The following RRP12 variants were observed in gnomAD, a reference collection of about 807,000 sequenced individuals.
The protein encoded by RRP12 is RRP12-like protein.
In RRP12, 78 loss-of-function variants were observed where a neutral mutation model predicts 157.3. The observed-to-expected ratio is 0.50, with a 90% CI of 0.41 to 0.60. RRP12 has a LOEUF of 0.60. Ranked by LOEUF, RRP12 falls within the 20% of genes least tolerant of loss-of-function variation. The probability of loss-of-function intolerance (pLI) is 0.00; values close to 1 mark genes in which losing one functional copy is unlikely to be tolerated. For missense variants in RRP12, 1,521 were observed against 1,679.9 expected (o/e 0.91, Z 1.65); for synonymous variants, 726 against 670.9 (o/e 1.08, Z -1.27).
chr10:97,380,921 G>C lies in RRP12; in HGVS notation c.1419-8C>G. 6.2e-7 allele frequency: 1 copy of C among 1,610,638 alleles called. No individual in the cohort carries two copies. Among genetic ancestry groups the C allele is most frequent in the South Asian group, 1.1e-5 (1 of 91,018 alleles). On this transcript the variant is annotated splice_region_variant and splice_polypyrimidine_tract_variant and intron_variant, in intron 12 of 33. Transcript: ENST00000370992. The stretch of plus-strand genomic sequence containing the variant: ...AGGCCCTCCTCCACTGCCCTGCCAA[G>C]GGGGCGGCACAGTCAGGGCCACGGT...
chr10:97,400,999 T>C, intron 1 of RRP12, 94 bp downstream of exon 1: 34 of 1,452,830 alleles, frequency 2.3e-5, no homozygotes, highest in East Asian at 7.3e-5. Context: ...GTCCAATGCC[T>C]GGCCCCGCAC....
intron 2 of RRP12, among the ~76,000 whole-genome samples, chr10:97,399,828 G>C (rs1773407136): frequency 6.6e-6 from 1 of 152,106 alleles, no homozygotes; most frequent in Admixed American, 6.6e-5. Flanking sequence ...TGAGGCAGGA[G>C]GATTGCTTGG....
At chr10:97,367,947 G>A (rs1844036283) in intron 25 of RRP12, among the ~76,000 whole-genome samples, 1 of 151,722 alleles carries the variant, frequency 6.6e-6, no homozygotes, top group East Asian at 1.9e-4. Flanking sequence ...GGCCAGGCTG[G>A]TCTTGAACTC....
chr10:97,366,403 G>A, intron 28 of RRP12, 43 bp downstream of exon 28: 3 of 1,570,238 alleles, frequency 1.9e-6, no homozygotes, highest in Non-Finnish European at 2.6e-6. Context: ...CTGGCACCAT[G>A]GCAAGTCTGT....
At position 97,393,771 on chromosome 10, in the gene RRP12, G is replaced by A. The variant is rs760609409; in HGVS notation, c.454-11C>T. On this transcript the variant is annotated splice_polypyrimidine_tract_variant and intron_variant, in intron 3 of 33. Transcript: ENST00000370992. Reference sequence around the variant, plus strand: ...TTCCATTGTTGTCATCTGAGGGCCAGATTGAGGGGGTTTGAATGGATAAAA... The same window carrying A: ...TTCCATTGTTGTCATCTGAGGGCCAAATTGAGGGGGTTTGAATGGATAAAA... The A allele has an allele frequency of 1.9e-6, 3 of 1,612,440 alleles. No homozygotes were observed. In the Admixed American group the frequency reaches 5.0e-5, roughly 27 times the overall value.
intron 25 of RRP12, 192 bp from the exon 26 acceptor site, chr10:97,367,324 C>G: frequency 6.6e-6 from 4 of 602,804 alleles, no homozygotes; most frequent in Non-Finnish European, 1.2e-5. Context: ...TCCCCTGCAC[C>G]CTCCTTCAGG....
intron 30 of RRP12, among the ~76,000 whole-genome samples, chr10:97,361,471 G>A (rs1268343276): frequency 6.6e-6 from 1 of 152,176 alleles, no homozygotes; most frequent in Middle Eastern, 3.2e-3. Context: ...TCTAGAAACT[G>A]CAGATTCCCA....
chr10:97,385,743 C>G, intron 9 of RRP12, 152 bp downstream of exon 9: 1 of 614,296 alleles, frequency 1.6e-6, no homozygotes, highest in Admixed American at 2.7e-5. Flanking sequence ...GGTCTCCAAT[C>G]TTCCTTCCCC....
chr10:97,390,406 G>A lies in RRP12; in HGVS notation c.753+17C>T. ...GCTGTCCCCTTGCCCCATTTTCTAGGGAGCTAGTAGTCTCACCTTGGGCTT... is the reference window on the plus strand; with the variant it reads ...GCTGTCCCCTTGCCCCATTTTCTAGAGAGCTAGTAGTCTCACCTTGGGCTT... On this transcript the variant is annotated intron_variant, in intron 6 of 33. Coordinates refer to ENST00000370992, the MANE Select transcript of RRP12 (RefSeq NM_015179.4). 6.3e-7 allele frequency: 1 copy of A among 1,588,358 alleles called. No individual in the cohort carries two copies.
At chr10:97,381,949 C>T (rs1245550606) in intron 10 of RRP12, 123 bp from the exon 11 acceptor site, 3 of 646,988 alleles carry the variant, frequency 4.6e-6, no homozygotes, top group South Asian at 3.9e-5. Flanking sequence ...TGCAGGGCTC[C>T]GTAGGGCCCT....
chr10:97,385,334 GGCACCA>G (rs1228040411), intron 9 of RRP12, 77 bp from the exon 10 acceptor site: 3 of 1,130,622 alleles, frequency 2.7e-6, no homozygotes, highest in Non-Finnish European at 4.0e-6. Context: ...TTCCCATCCT[GGCACCA>G]GCAATGTCCT....
In RRP12 at chr10:97,400,488, C is replaced by G; in HGVS notation, c.186G>C (p.Leu62=). The change falls in exon 2 of 34, where the codon CTG becomes CTC. Residue 62 remains leucine (L), a synonymous_variant. Transcript: ENST00000370992. ...TVDAVKLHNE[L]QSGSLRLGKS... is the part of the protein sequence containing the mutation. ...TGCCCAAGCGCAAGGACCCTGACTG[C>G]AGCTCATTATGTAACTTCACAGCAT... The G allele has an allele frequency of 6.2e-7, 1 of 1,614,118 alleles. No homozygotes were observed. The highest frequency in any genetic ancestry group is 8.5e-7 in the Non-Finnish European group (1 of 1,180,018).
intron 17 of RRP12, among the ~76,000 whole-genome samples, 165 bp downstream of exon 17, chr10:97,373,410 G>A (rs1452027896): frequency 3.9e-5 from 6 of 152,178 alleles, no homozygotes; most frequent in African/African-American, 1.4e-4. Flanking sequence ...CAACCCCAGG[G>A]AGCCAGCAAA....
At position 97,379,630 on chromosome 10, in the gene RRP12, A is replaced by G. The variant is rs568879983; in HGVS notation, c.1674T>C (p.Ser558=). 9 of 1,613,838 alleles carry G rather than the reference A, an allele frequency of 5.6e-6. No individual in the cohort carries two copies. In the African/African-American group the frequency reaches 8.0e-5, roughly 14 times the overall value. ...AAGCCAGCCAGGGCCACACTTACTC[A>G]GAGCCATCAATTTCCAAAGGCACAG... is the stretch of plus-strand genomic sequence containing the variant. The part of the protein sequence containing the change: ...LQAVPLEIDG[S]EETLDFPRSW... Residue 558 remains serine (S), a splice_region_variant and synonymous_variant, in exon 14 of 34, where the codon TCT becomes TCC. Coordinates refer to ENST00000370992, the MANE Select transcript of RRP12 (RefSeq NM_015179.4).
At chr10:97,387,667 G>A (rs1246035617) in intron 8 of RRP12, among the ~76,000 whole-genome samples, 29 of 151,400 alleles carry the variant, frequency 1.9e-4, no homozygotes, top group Admixed American at 1.5e-3. Flanking sequence ...TCGACCGGGC[G>A]CAGTGGCTCA....
chr10:97,379,387 C>T lies in RRP12; in HGVS notation c.1704G>A (p.Trp568Ter). The stretch of plus-strand genomic sequence containing the variant: ...CATGGTCTCGGATGACAGGCAGCAG[C>T]CAGCTCCGTGGGAAATCCAGAGTCT... ...SEETLDFPRS[W>*]LLPVIRDHVQ... Residue 568 changes from tryptophan (W) to a stop codon, truncating the protein, a stop_gained, in exon 15 of 34, where the codon TGG (tryptophan) becomes TGA (stop). Coordinates refer to ENST00000370992, the MANE Select transcript of RRP12 (RefSeq NM_015179.4). LOFTEE classifies it high-confidence loss of function. The T allele has an allele frequency of 6.2e-7, 1 of 1,614,102 alleles. No homozygotes were observed. Among genetic ancestry groups the T allele is most frequent in the South Asian group, 1.1e-5 (1 of 91,074 alleles).
intron 8 of RRP12, 122 bp downstream of exon 8, chr10:97,388,130 T>C: frequency 7.5e-7 from 1 of 1,332,338 alleles, no homozygotes; most frequent in South Asian, 1.2e-5. Flanking sequence ...GTGCTGTTGG[T>C]TTTAGCTTAA....
intron 2 of RRP12, among the ~76,000 whole-genome samples, chr10:97,398,006 C>CAT (rs376314087): frequency 0.041 from 1,939 of 47,146 alleles, 159 homozygotes; most frequent in Non-Finnish European, 0.063. Context: ...TATATATATA[C>CAT]ATATATATAT....
chr10:97,366,986 T>C, intron 26 of RRP12, 55 bp downstream of exon 26: 1 of 1,610,302 alleles, frequency 6.2e-7, no homozygotes, highest in Non-Finnish European at 8.5e-7. Context: ...CTGGTAGGAC[T>C]GGAAATCCTC....
Sources: allele counts gnomAD v4.1 joint callset (sites outside exome capture counted in the v4.1 genomes callset), GRCh38; gene constraint gnomAD v4.1.1; transcripts MANE v1.5; gene names NCBI Gene and HGNC (gene_info 2026-07-23, HGNC 2026-07-21).